The following AFAP1 variants were observed in gnomAD, a reference collection of about 807,000 sequenced individuals.
The protein encoded by AFAP1 is actin filament associated protein 1.
AFAP1 carries 75 observed loss-of-function variants against 93.9 expected under a neutral mutation model. That is an observed-to-expected ratio of 0.80 (90% CI 0.66 to 0.97). AFAP1 has a LOEUF of 0.97. Ranked by LOEUF, AFAP1 falls within the 50% of genes least tolerant of loss-of-function variation. The pLI is 0.00. For synonymous variants in AFAP1, 517 were observed against 430.7 expected, an observed-to-expected ratio of 1.20 and a Z score of -2.48; for missense variants, 1,201 against 1,050.8, an observed-to-expected ratio of 1.14 and a Z score of -1.98.
intron 6 of AFAP1, among the ~76,000 whole-genome samples, chr4:7,825,276 C>G (rs1721323020): frequency 6.6e-6 from 1 of 152,176 alleles, no homozygotes; most frequent in Non-Finnish European, 1.5e-5. Context: ...ACCCACCTTT[C>G]CATCACTCTA....
At chr4:7,873,254 A>AC (rs1260719247) in intron 1 of AFAP1, among the ~76,000 whole-genome samples, 70 of 149,974 alleles carry the variant, frequency 4.7e-4, no homozygotes, top group Non-Finnish European at 9.8e-4. Context: ...AAAAAAAAAA[A>AC]AAAAAAACCC....
chr4:7,834,991 T>C (rs1712125903), intron 6 of AFAP1, among the ~76,000 whole-genome samples: 1 of 138,320 alleles, frequency 7.2e-6, no homozygotes, highest in Non-Finnish European at 1.5e-5. Flanking sequence ...TTGAATGGAC[T>C]GCGGGCTGCC....
chr4:7,915,766 G>A (rs944628801), intron 1 of AFAP1, among the ~76,000 whole-genome samples: 6 of 152,382 alleles, frequency 3.9e-5, no homozygotes, highest in African/African-American at 1.4e-4. Flanking sequence ...AAGCCGCCCT[G>A]CGGCAAGCCC....
intron 1 of AFAP1, among the ~76,000 whole-genome samples, chr4:7,917,720 T>C (rs1720162161): frequency 6.6e-6 from 1 of 152,100 alleles, no homozygotes; most frequent in African/African-American, 2.4e-5. Context: ...AGATAAAATG[T>C]CTATTGTGAT....
At chr4:7,799,653 T>C (rs1472147085) in intron 10 of AFAP1, among the ~76,000 whole-genome samples, 1 of 152,150 alleles carries the variant, frequency 6.6e-6, no homozygotes, top group Admixed American at 6.5e-5. Context: ...GTTTGCATCT[T>C]GGTCATAATA....
chr4:7,929,736 A>G (rs1720959540), intron 1 of AFAP1, among the ~76,000 whole-genome samples: 1 of 152,110 alleles, frequency 6.6e-6, no homozygotes. Flanking sequence ...TCTTCACCAC[A>G]CAGAGGCGGC....
At position 7,869,859 on chromosome 4, in the gene AFAP1, C is replaced by T. The variant is rs564531120; in HGVS notation, c.128-1140G>A. Among the ~76,000 whole-genome samples the T allele has an allele frequency of 5.8e-3, 890 of 152,206 alleles. 7 individuals are homozygous for T. The highest frequency in any genetic ancestry group is 0.019 in the African/African-American group (778 of 41,512). On this transcript the variant is annotated intron_variant, in intron 2 of 17. Transcript: ENST00000420658. ...GAAAAGGATAAATGACACACACACA[C>T]ACACAAAATCAATAGATAGGTTTAA...
intron 1 of AFAP1, among the ~76,000 whole-genome samples, chr4:7,902,539 G>C (rs918147451): frequency 1.3e-5 from 2 of 151,960 alleles, no homozygotes; most frequent in African/African-American, 2.4e-5. Flanking sequence ...TGCTGTTTCC[G>C]AATCTCCTTC....
At chr4:7,877,166 C>A (rs1436359416) in intron 1 of AFAP1, among the ~76,000 whole-genome samples, 1 of 152,080 alleles carries the variant, frequency 6.6e-6, no homozygotes, top group Non-Finnish European at 1.5e-5. Flanking sequence ...CAGGTGTCAT[C>A]CTATGTTTAT....
chr4:7,907,714 G>C (rs572111650), intron 1 of AFAP1, among the ~76,000 whole-genome samples: 1 of 151,992 alleles, frequency 6.6e-6, no homozygotes, highest in East Asian at 1.9e-4. Flanking sequence ...CAACCAGCAA[G>C]TATAATACAT....
intron 4 of AFAP1, among the ~76,000 whole-genome samples, chr4:7,845,772 G>A (rs1462709176): frequency 6.6e-6 from 1 of 152,092 alleles, no homozygotes; most frequent in Non-Finnish European, 1.5e-5. Flanking sequence ...GCAGCCACAG[G>A]GGGTTACTTA....
At chr4:7,866,185 C>G (rs969103091) in intron 3 of AFAP1, among the ~76,000 whole-genome samples, 1 of 146,596 alleles carries the variant, frequency 6.8e-6, no homozygotes, top group African/African-American at 2.6e-5. Context: ...GTGTGAGCCA[C>G]TGCGCCCAGC....
chr4:7,915,520 T>TAC (rs1196002207), intron 1 of AFAP1, among the ~76,000 whole-genome samples: 2 of 152,124 alleles, frequency 1.3e-5, no homozygotes, highest in Non-Finnish European at 2.9e-5. Flanking sequence ...AATATCTGTG[T>TAC]CTGTTCAGCT....
At chr4:7,828,715 G>A (rs1721643733) in intron 6 of AFAP1, among the ~76,000 whole-genome samples, 1 of 152,190 alleles carries the variant, frequency 6.6e-6, no homozygotes, top group South Asian at 2.1e-4. Flanking sequence ...GCTCTAGAAA[G>A]CAGATACCAT....
intron 1 of AFAP1, among the ~76,000 whole-genome samples, chr4:7,876,648 AG>A (rs1455320567): frequency 6.6e-6 from 1 of 152,176 alleles, no homozygotes; most frequent in Non-Finnish European, 1.5e-5. Context: ...CCATGCTCCG[AG>A]GCTTTCCCGG....
intron 2 of AFAP1, among the ~76,000 whole-genome samples, chr4:7,869,901 G>C (rs1394078972): frequency 6.6e-6 from 1 of 152,144 alleles, no homozygotes; most frequent in Non-Finnish European, 1.5e-5. Context: ...TTAAAGAGCT[G>C]AAGAAAGAAT....
intron 1 of AFAP1, among the ~76,000 whole-genome samples, chr4:7,879,522 A>G (rs1224647419): frequency 6.6e-6 from 1 of 152,080 alleles, no homozygotes; most frequent in Non-Finnish European, 1.5e-5. Flanking sequence ...AGAAGAAAAA[A>G]TCTTCCCCAA....
chr4:7,899,298 A>G (rs1365189153), intron 1 of AFAP1, among the ~76,000 whole-genome samples: 2 of 152,128 alleles, frequency 1.3e-5, no homozygotes, highest in African/African-American at 4.8e-5. Context: ...CCCCCGTTTC[A>G]TAAGGGTTAG....
At chr4:7,783,319 T>C (rs1017114541) in intron 12 of AFAP1, among the ~76,000 whole-genome samples, 2 of 152,136 alleles carry the variant, frequency 1.3e-5, no homozygotes, top group Non-Finnish European at 2.9e-5. Flanking sequence ...TTTGTATTTT[T>C]AGTAGAGACA....
Sources: gnomAD v4.1 joint callset for allele counts (sites outside exome capture counted in the v4.1 genomes callset) on GRCh38, gnomAD v4.1.1 for gene constraint, MANE v1.5 for transcripts, NCBI Gene and HGNC (gene_info 2026-07-23, HGNC 2026-07-21) for gene names.